RSRC1: variants seen among roughly 807,000 people sequenced by gnomAD.
RSRC1 encodes serine/Arginine-related protein 53.
In RSRC1, 39 loss-of-function variants were observed where a neutral mutation model predicts 49.1. That is an observed-to-expected ratio of 0.79 (90% CI 0.61 to 1.04). The LOEUF (loss-of-function observed/expected upper bound fraction) is 1.04. RSRC1 is among the 50% of genes least tolerant of loss of function. The pLI is 0.00. For synonymous variants in RSRC1, 143 were observed against 130.8 expected (o/e 1.09, Z -0.63); for missense variants, 388 against 402.4 (o/e 0.96, Z 0.31).
At chr3:158,406,228 C>A (rs61297176) in intron 6 of RSRC1, among the ~76,000 whole-genome samples, 11,094 of 152,020 alleles carry the variant, frequency 0.073, 477 homozygotes, top group South Asian at 0.13. Flanking sequence ...AATGTTCTCA[C>A]AATTTTTTAA....
Position 158,481,376 on chromosome 3 carries a change from C to T in RSRC1, c.652+20373C>T, listed in dbSNP as rs144325411. Among the ~76,000 whole-genome samples, 747 of 152,166 alleles carry T rather than the reference C, an allele frequency of 4.9e-3. 2 individuals are homozygous for T. The highest frequency in any genetic ancestry group is 8.8e-3 in the Non-Finnish European group (596 of 67,968). On this transcript the variant is annotated intron_variant, in intron 7 of 9. Transcript: ENST00000611884. Reference sequence around the variant, plus strand: ...AGATCATAGGCAATCACTGAATAAACTTTGTGATTTTTTTAGTGTTCTCTT... The same window carrying T: ...AGATCATAGGCAATCACTGAATAAATTTTGTGATTTTTTTAGTGTTCTCTT...
intron 1 of RSRC1, among the ~76,000 whole-genome samples, chr3:158,111,301 G>GT (rs1356410109): frequency 3.9e-5 from 6 of 152,178 alleles, no homozygotes; most frequent in African/African-American, 1.4e-4. Context: ...AACACTTTAT[G>GT]TTTTTCAATA....
intron 3 of RSRC1, among the ~76,000 whole-genome samples, chr3:158,151,198 A>T (rs1717518249): frequency 6.6e-6 from 1 of 152,222 alleles, no homozygotes; most frequent in Non-Finnish European, 1.5e-5. Flanking sequence ...CTTCATAAGG[A>T]AATGAAGACA....
At chr3:158,263,559 C>G (rs1034587420) in intron 4 of RSRC1, among the ~76,000 whole-genome samples, 6 of 151,914 alleles carry the variant, frequency 3.9e-5, no homozygotes, top group South Asian at 2.1e-4. Context: ...GGAAATATTT[C>G]CTTTTCAGTT....
At chr3:158,334,275 A>G (rs553894498) in intron 5 of RSRC1, among the ~76,000 whole-genome samples, 16 of 152,306 alleles carry the variant, frequency 1.1e-4, no homozygotes, top group Middle Eastern at 6.8e-3. Flanking sequence ...AGTATAAACA[A>G]CTGTTATTGA....
chr3:158,398,956 A>G lies in RSRC1; in HGVS notation c.583+44048A>G, dbSNP rs374359838. 2.8e-3 allele frequency among the ~76,000 whole-genome samples: 430 copies of G among 152,020 alleles called. 5 individuals are homozygous for G. In the South Asian group the frequency reaches 0.038, roughly 14 times the overall value. The stretch of plus-strand genomic sequence containing the variant: ...ATGCTATTTTTTAAAATTGCTACAT[A>G]TATTTATCAATGTGTGTTTGTATTT... On this transcript the variant is annotated intron_variant, in intron 6 of 9. Coordinates refer to ENST00000611884, the MANE Select transcript of RSRC1 (RefSeq NM_001271838.2).
At chr3:158,513,360 T>C (rs532570711) in intron 7 of RSRC1, among the ~76,000 whole-genome samples, 1 of 152,332 alleles carries the variant, frequency 6.6e-6, no homozygotes, top group African/African-American at 2.4e-5. Context: ...CTTTTCTGCA[T>C]CTATTGAGAT....
At chr3:158,419,859 G>T (rs1268490782) in intron 6 of RSRC1, among the ~76,000 whole-genome samples, 1 of 149,030 alleles carries the variant, frequency 6.7e-6, no homozygotes, top group Non-Finnish European at 1.5e-5. Context: ...CACACTCAAA[G>T]TACAGCACTT....
chr3:158,196,257 A>T (rs1720606358), intron 3 of RSRC1, among the ~76,000 whole-genome samples: 1 of 151,772 alleles, frequency 6.6e-6, no homozygotes, highest in Non-Finnish European at 1.5e-5. Context: ...ATTCTCTTTG[A>T]AGCAATTGTG....
intron 5 of RSRC1, among the ~76,000 whole-genome samples, chr3:158,328,782 C>T (rs1729353686): frequency 1.3e-5 from 2 of 152,112 alleles, no homozygotes; most frequent in Non-Finnish European, 2.9e-5. Context: ...GAATGTTGGC[C>T]TGCCTTGCTA....
intron 7 of RSRC1, among the ~76,000 whole-genome samples, chr3:158,501,661 A>G (rs1009539642): frequency 6.6e-6 from 1 of 152,182 alleles, no homozygotes; most frequent in Non-Finnish European, 1.5e-5. Flanking sequence ...CTGATATAAG[A>G]ATAGCTACCC....
intron 7 of RSRC1, among the ~76,000 whole-genome samples, chr3:158,476,181 G>A (rs2108429202): frequency 6.6e-6 from 1 of 152,284 alleles, no homozygotes. Context: ...TGAGAGAGGT[G>A]AGGAAGCTGC....
chr3:158,343,845 A>G (rs1730393132), intron 5 of RSRC1, among the ~76,000 whole-genome samples: 1 of 152,204 alleles, frequency 6.6e-6, no homozygotes, highest in African/African-American at 2.4e-5. Flanking sequence ...ACCATACAAT[A>G]TACATGGAGT....
At chr3:158,342,661 T>G (rs1730319807) in intron 5 of RSRC1, among the ~76,000 whole-genome samples, 1 of 152,252 alleles carries the variant, frequency 6.6e-6, no homozygotes. Context: ...CAAGTTATTT[T>G]CCTTCACAAG....
rs1199975335 is a variant in RSRC1, at chr3:158,373,645, A to G, written c.583+18737A>G. Among the ~76,000 whole-genome samples the G allele has an allele frequency of 3.9e-5, 6 of 151,900 alleles. No homozygotes were observed. In the East Asian group the frequency reaches 1.2e-3, roughly 29 times the overall value. On this transcript the variant is annotated intron_variant, in intron 6 of 9. Coordinates refer to ENST00000611884, the MANE Select transcript of RSRC1 (RefSeq NM_001271838.2). ...CAATTTTCTAAAACTTTTGTTTTGT[A>G]TATATTATAGCTTATATTCATAGCA... is the stretch of plus-strand genomic sequence containing the variant.
chr3:158,348,513 C>A (rs1342383324), intron 5 of RSRC1, among the ~76,000 whole-genome samples: 1 of 152,052 alleles, frequency 6.6e-6, no homozygotes, highest in Non-Finnish European at 1.5e-5. Context: ...GTCATCTCCA[C>A]AGGCCATTAT....
At chr3:158,126,943 A>G (rs905847787) in intron 3 of RSRC1, among the ~76,000 whole-genome samples, 1 of 151,886 alleles carries the variant, frequency 6.6e-6, no homozygotes, top group Non-Finnish European at 1.5e-5. Flanking sequence ...CTTTGAATAT[A>G]TCACCTGATT....
At chr3:158,270,863 A>G (rs1415202291) in intron 4 of RSRC1, among the ~76,000 whole-genome samples, 1 of 152,088 alleles carries the variant, frequency 6.6e-6, no homozygotes, top group Non-Finnish European at 1.5e-5. Context: ...CTATTTTCCT[A>G]TACATTTTTT....
chr3:158,401,581 A>G (rs1321096207), intron 6 of RSRC1, among the ~76,000 whole-genome samples: 1 of 152,026 alleles, frequency 6.6e-6, no homozygotes, highest in Non-Finnish European at 1.5e-5. Flanking sequence ...CTTCAAGATC[A>G]GCATCCAGAA....
Sources: allele counts gnomAD v4.1 joint callset (sites outside exome capture counted in the v4.1 genomes callset), GRCh38; gene constraint gnomAD v4.1.1; transcripts MANE v1.5; gene names NCBI Gene and HGNC (gene_info 2026-07-23, HGNC 2026-07-21).